Variants in SNTB1 observed in about 807,000 individuals in gnomAD.
SNTB1 encodes the protein beta-1-syntrophin.
In SNTB1, 36 loss-of-function variants were observed where a neutral mutation model predicts 48.9. The ratio of observed to expected loss-of-function variants is 0.74; its 90% CI spans 0.56 to 0.97. The LOEUF (loss-of-function observed/expected upper bound fraction) is 0.97. Ranked by LOEUF, SNTB1 falls within the 50% of genes least tolerant of loss-of-function variation. SNTB1 has a pLI of 0.00. For missense variants in SNTB1, 786 were observed against 703.4 expected (o/e 1.12, Z -1.33); for synonymous variants, 299 against 294.6 (o/e 1.01, Z -0.15).
intron 2 of SNTB1, among the ~76,000 whole-genome samples, chr8:120,660,781 G>A (rs377096596): frequency 6.6e-6 from 1 of 152,102 alleles, no homozygotes; most frequent in East Asian, 1.9e-4. Context: ...AGTGAGAGAC[G>A]AGACGTGTGA....
intron 1 of SNTB1, among the ~76,000 whole-genome samples, chr8:120,806,691 T>G (rs913141386): frequency 1.3e-5 from 2 of 152,164 alleles, no homozygotes; most frequent in African/African-American, 4.8e-5. Flanking sequence ...CTCCCTATGC[T>G]TTCCAGTAAA....
intron 2 of SNTB1, among the ~76,000 whole-genome samples, chr8:120,662,023 T>G (rs897621672): frequency 6.6e-6 from 1 of 152,212 alleles, no homozygotes; most frequent in Non-Finnish European, 1.5e-5. Flanking sequence ...ACTTTGTAGA[T>G]ATTTCACTGT....
intron 4 of SNTB1, among the ~76,000 whole-genome samples, chr8:120,551,690 C>T (rs1219682674): frequency 7.2e-6 from 1 of 139,306 alleles, no homozygotes; most frequent in Non-Finnish European, 1.5e-5. Context: ...CGCACCACTG[C>T]ACTCCAGCCT....
chr8:120,799,740 A>G (rs1456122656), intron 1 of SNTB1, among the ~76,000 whole-genome samples: 2 of 151,946 alleles, frequency 1.3e-5, no homozygotes, highest in Non-Finnish European at 2.9e-5. Flanking sequence ...TTTTCTGGGT[A>G]AACGGTGTCC....
At chr8:120,724,593 G>C (rs1818722955) in intron 1 of SNTB1, among the ~76,000 whole-genome samples, 1 of 152,156 alleles carries the variant, frequency 6.6e-6, no homozygotes, top group African/African-American at 2.4e-5. Context: ...TAGCCCACAA[G>C]GTTGTGTACA....
chr8:120,811,656 G>C lies in SNTB1; in HGVS notation c.188C>G (p.Ala63Gly), dbSNP rs1255920366. The C allele has an allele frequency of 6.3e-7, 1 of 1,593,750 alleles. No homozygotes were observed. The highest frequency in any genetic ancestry group is 8.5e-7 in the Non-Finnish European group (1 of 1,173,620). Reference protein sequence around the residue: ...GAAAYNGIGTATNGSFCRGAG... With the variant: ...GAAAYNGIGTGTNGSFCRGAG... ...GCCCCTGCAGAACGAGCCATTGGTGGCGGTCCCGATGCCGTTGTACGCCGC... is the reference window on the plus strand; with the variant it reads ...GCCCCTGCAGAACGAGCCATTGGTGCCGGTCCCGATGCCGTTGTACGCCGC... The change falls in exon 1 of 7, where the codon GCC (alanine) becomes GGC (glycine). Residue 63 changes from alanine to glycine, a missense_variant. Physicochemically the swap from Ala to Gly is moderately conservative, Grantham distance 60. Transcript: ENST00000517992.
intron 1 of SNTB1, among the ~76,000 whole-genome samples, chr8:120,700,235 C>T (rs1012807793): frequency 6.6e-6 from 1 of 151,616 alleles, no homozygotes; most frequent in Non-Finnish European, 1.5e-5. Flanking sequence ...AGAAAACATC[C>T]AATTAAGAGG....
At chr8:120,649,014 C>G (rs1246558561) in intron 2 of SNTB1, among the ~76,000 whole-genome samples, 2 of 148,754 alleles carry the variant, frequency 1.3e-5, no homozygotes, top group African/African-American at 4.9e-5. Flanking sequence ...GTTTTCAGCT[C>G]CATCAGCTCC....
At chr8:120,610,474 T>C (rs1008612614) in intron 3 of SNTB1, among the ~76,000 whole-genome samples, 1 of 152,224 alleles carries the variant, frequency 6.6e-6, no homozygotes, top group Non-Finnish European at 1.5e-5. Context: ...CATTCATTAA[T>C]CATCTTATAA....
chr8:120,738,868 C>T (rs1818996376), intron 1 of SNTB1, among the ~76,000 whole-genome samples: 1 of 152,130 alleles, frequency 6.6e-6, no homozygotes, highest in Non-Finnish European at 1.5e-5. Flanking sequence ...ACATGGCAGC[C>T]TCAAGAATTC....
intron 2 of SNTB1, among the ~76,000 whole-genome samples, chr8:120,658,374 G>A (rs940455047): frequency 6.6e-6 from 1 of 152,126 alleles, no homozygotes; most frequent in Admixed American, 6.6e-5. Context: ...GGGAATTTGG[G>A]TTCAGGAAGT....
Position 120,589,856 on chromosome 8 carries a change from A to G in SNTB1, c.997-14631T>C, listed in dbSNP as rs1016701469. 2.6e-5 allele frequency among the ~76,000 whole-genome samples: 4 copies of G among 152,132 alleles called. No homozygotes were observed. The South Asian group carries it at 6.2e-4, about 24-fold the overall frequency. On this transcript the variant is annotated intron_variant, in intron 3 of 6. Coordinates refer to ENST00000517992, the MANE Select transcript of SNTB1 (RefSeq NM_021021.4). Reference sequence around the variant, plus strand: ...TTGGGATTAGCATTTCAATATATAAATTGTCATGCAGACACATTCAGTCCA... The same window carrying G: ...TTGGGATTAGCATTTCAATATATAAGTTGTCATGCAGACACATTCAGTCCA...
In SNTB1 at chr8:120,575,239, C is replaced by T. The variant is rs1468541561; in HGVS notation, c.997-14G>A. Reference sequence around the variant, plus strand: ...CTCCCCTGGCACCTGAAAAAGAAAGCAGAGAACTGTCAAATGACAGCCTGA... The same window carrying T: ...CTCCCCTGGCACCTGAAAAAGAAAGTAGAGAACTGTCAAATGACAGCCTGA... On this transcript the variant is annotated splice_polypyrimidine_tract_variant and intron_variant, in intron 3 of 6. Transcript: ENST00000517992. 1.2e-6 allele frequency: 2 copies of T among 1,613,970 alleles called. No individual in the cohort carries two copies. The highest frequency in any genetic ancestry group is 2.2e-5 in the East Asian group (1 of 44,888).
At chr8:120,664,995 G>T (rs1432842004) in intron 2 of SNTB1, among the ~76,000 whole-genome samples, 3 of 152,058 alleles carry the variant, frequency 2.0e-5, no homozygotes, top group African/African-American at 7.2e-5. Flanking sequence ...ATCTCACTGT[G>T]GTTTTAATTT....
At chr8:120,787,706 A>G (rs28867441) in intron 1 of SNTB1, among the ~76,000 whole-genome samples, 28,522 of 152,082 alleles carry the variant, frequency 0.19, 3,095 homozygotes, top group Middle Eastern at 0.26. Flanking sequence ...AGAAATGAAT[A>G]AAGTCTCTAA....
Position 120,811,608 on chromosome 8 carries a change from G to T in SNTB1, c.236C>A (p.Ala79Glu). Residue 79 changes from alanine to glutamate, a missense_variant, in exon 1 of 7, where the codon GCG (alanine) becomes GAG (glutamate). Physicochemically the swap from Ala to Glu is moderately radical, Grantham distance 107. Transcript: ENST00000517992. The part of the protein sequence containing the change: ...CRGAGAGHPG[A>E]GGAQPPDSPA... ...CGAGTCCGGGGGCTGCGCGCCGCCC[G>T]CGCCCGGGTGCCCAGCCCCGGCGCC... 6.3e-7 allele frequency: 1 copy of T among 1,580,922 alleles called. No homozygotes were observed.
chr8:120,611,122 A>T (rs1816616407), intron 3 of SNTB1, among the ~76,000 whole-genome samples: 1 of 152,178 alleles, frequency 6.6e-6, no homozygotes, highest in South Asian at 2.1e-4. Context: ...CCCTAGAGCA[A>T]GCACCTAATC....
rs553350469 is a variant in SNTB1 at position 120,628,670 on chromosome 8, T to C, written c.996+3774A>G. Among the ~76,000 whole-genome samples, 3 of 152,116 alleles carry C rather than the reference T, an allele frequency of 2.0e-5. No individual in the cohort carries two copies. In the South Asian group the frequency reaches 6.2e-4, roughly 32 times the overall value. ...TACTTGGGAGGCTGAGGTAGGAGAA[T>C]TGCTTGAATCCGGAGGCAGAGGTTG... is the stretch of plus-strand genomic sequence containing the variant. On this transcript the variant is annotated intron_variant, in intron 3 of 6. Coordinates refer to ENST00000517992, the MANE Select transcript of SNTB1 (RefSeq NM_021021.4).
At chr8:120,574,254 C>G (rs1384149037) in intron 4 of SNTB1, among the ~76,000 whole-genome samples, 1 of 152,146 alleles carries the variant, frequency 6.6e-6, no homozygotes, top group Non-Finnish European at 1.5e-5. Flanking sequence ...AAATTTTTGT[C>G]ATGCAAGTTG....
Sources: allele counts gnomAD v4.1 joint callset (sites outside exome capture counted in the v4.1 genomes callset), GRCh38; gene constraint gnomAD v4.1.1; transcripts MANE v1.5; gene names NCBI Gene and HGNC (gene_info 2026-07-23, HGNC 2026-07-21).